GIGYF2: variants seen among roughly 807,000 people sequenced by gnomAD.
GIGYF2 encodes the protein GRB10-interacting GYF protein 2.
GIGYF2 carries 25 observed loss-of-function variants against 208.1 expected under a neutral mutation model. The observed-to-expected ratio is 0.12, with a 90% CI of 0.09 to 0.17. The LOEUF is 0.17. GIGYF2 is among the 10% of genes least tolerant of loss of function. The pLI is 1.00. For synonymous variants in GIGYF2, 534 were observed against 543.8 expected (o/e 0.98, Z 0.25); for missense variants, 1,302 against 1,579.4 (o/e 0.82, Z 2.98).
In GIGYF2 at chr2:232,729,508, G is replaced by T; in HGVS notation, c.-43-5647G>T. On this transcript the variant is annotated intron_variant, in intron 2 of 28. Coordinates refer to ENST00000373563, the MANE Select transcript of GIGYF2 (RefSeq NM_001103146.3). The stretch of plus-strand genomic sequence containing the variant: ...TCTCAAGCTTTTATTTAAATGCCAT[G>T]ACCCAGGATGGATTTTAGATTTTGT... 3.3e-6 allele frequency: 4 copies of T among 1,196,986 alleles called. No individual in the cohort carries two copies. In the South Asian group the frequency reaches 6.0e-5, roughly 18 times the overall value. 74.1% of individuals were successfully genotyped at this position (1,196,986 alleles called of 1,614,324 possible). A position where few individuals can be genotyped will look rare whatever the true frequency, so the allele number is the denominator to read the frequency against.
chr2:232,720,759 T>C (rs973370520), intron 2 of GIGYF2, among the ~76,000 whole-genome samples: 4 of 151,996 alleles, frequency 2.6e-5, no homozygotes, highest in Admixed American at 2.6e-4. Flanking sequence ...CATGCCTAGC[T>C]AATTTTTGTA....
chr2:232,844,290 C>T, intron 24 of GIGYF2, 35 bp downstream of exon 24: 1 of 1,610,778 alleles, frequency 6.2e-7, no homozygotes, highest in East Asian at 2.2e-5. Flanking sequence ...GTTGTATGGA[C>T]TAGTATTATC....
At chr2:232,743,232 G>C (rs1453805914) in intron 3 of GIGYF2, among the ~76,000 whole-genome samples, 1 of 152,142 alleles carries the variant, frequency 6.6e-6, no homozygotes, top group Non-Finnish European at 1.5e-5. Flanking sequence ...TGAAGTGACT[G>C]AGAAGCGAGG....
intron 12 of GIGYF2, among the ~76,000 whole-genome samples, chr2:232,793,525 G>T (rs1176364152): frequency 6.6e-6 from 1 of 152,132 alleles, no homozygotes; most frequent in Non-Finnish European, 1.5e-5. Context: ...GGAGCACACT[G>T]GGGAGAGGAG....
Position 232,809,817 on chromosome 2 carries a change from A to G in GIGYF2, c.1898+6A>G. 2 of 1,451,214 alleles carry G rather than the reference A, an allele frequency of 1.4e-6. No individual in the cohort carries two copies. Among genetic ancestry groups the G allele is most frequent in the Non-Finnish European group, 1.9e-6 (2 of 1,031,074 alleles). 89.9% of individuals were successfully genotyped at this position (1,451,214 alleles called of 1,614,324 possible). A position where few individuals can be genotyped will look rare whatever the true frequency, so the allele number is the denominator to read the frequency against. On this transcript the variant is annotated splice_donor_region_variant and intron_variant, in intron 16 of 28. Transcript: ENST00000373563. ...TACCAGCAGTTTTTAATACAGTAAG[A>G]AGAGTAATGCAGTAGGATGTACTGC...
rs778621880 is a variant in GIGYF2, at chr2:232,771,201, A to G, written c.532+9765A>G. On this transcript the variant is annotated intron_variant, in intron 8 of 28. Transcript: ENST00000373563. ...AAGCAGAAAAGACCAACATCATCCAACGCCAGCGCATGTCCATTAGGATTC... is the reference window on the plus strand; with the variant it reads ...AAGCAGAAAAGACCAACATCATCCAGCGCCAGCGCATGTCCATTAGGATTC... 5.0e-6 allele frequency: 8 copies of G among 1,613,234 alleles called. No homozygotes were observed. Among genetic ancestry groups the G allele is most frequent in the East Asian group, 2.2e-5 (1 of 44,872 alleles).
intron 14 of GIGYF2, among the ~76,000 whole-genome samples, chr2:232,805,078 G>A (rs1305109296): frequency 2.0e-5 from 3 of 151,856 alleles, no homozygotes; most frequent in African/African-American, 7.3e-5. Context: ...CACTCGAGCA[G>A]TATACACTGA....
intron 8 of GIGYF2, among the ~76,000 whole-genome samples, chr2:232,769,781 A>C (rs1699154939): frequency 6.6e-6 from 1 of 152,176 alleles, no homozygotes; most frequent in African/African-American, 2.4e-5. Flanking sequence ...TAAAAGTAAA[A>C]TATAAAAGAA....
In GIGYF2 at chr2:232,850,309, G is replaced by C. The variant is rs774677514; in HGVS notation, c.3732G>C (p.Gln1244His). The C allele has an allele frequency of 7.4e-6, 12 of 1,613,518 alleles. No homozygotes were observed. In the South Asian group the frequency reaches 1.1e-4, roughly 15 times the overall value. The change falls in exon 28 of 29, where the codon CAG becomes CAC. Residue 1244 changes from glutamine to histidine, a missense_variant. Gln to His is a conservative substitution (Grantham distance 24). Around this residue, in one of 8 missense-constraint regions of GIGYF2, gnomAD observed 701 missense variants for 793.0 expected, o/e 0.88. Coordinates refer to ENST00000373563, the MANE Select transcript of GIGYF2 (RefSeq NM_001103146.3). ...MNHSTLHSVF[Q>H]TNQSNNQQSN... The stretch of plus-strand genomic sequence containing the variant: ...ACAGTACACTCCATTCAGTATTTCA[G>C]ACCAATCAAAGCAACAACCAACAAT...
At chr2:232,737,861 T>C (rs527754347) in intron 3 of GIGYF2, among the ~76,000 whole-genome samples, 1 of 151,604 alleles carries the variant, frequency 6.6e-6, no homozygotes, top group East Asian at 1.9e-4. Flanking sequence ...TGGGAGAAAA[T>C]TGAAAATTTT....
At chr2:232,815,151 T>C (rs1351917387) in intron 18 of GIGYF2, among the ~76,000 whole-genome samples, 2 of 152,192 alleles carry the variant, frequency 1.3e-5, no homozygotes, top group African/African-American at 4.8e-5. Context: ...AAATTAACCA[T>C]TTTAAAGTGA....
chr2:232,729,847 A>G, intron 2 of GIGYF2: 1 of 737,310 alleles, frequency 1.4e-6, no homozygotes, highest in East Asian at 2.5e-5. Flanking sequence ...TTCTTCCCTT[A>G]GCCTCTTCGT....
intron 6 of GIGYF2, 36 bp downstream of exon 6, chr2:232,756,370 G>A: frequency 9.2e-7 from 1 of 1,084,384 alleles, no homozygotes; most frequent in Non-Finnish European, 1.4e-6. Context: ...TAATGGAGGA[G>A]GAGGAGGAGG....
chr2:232,716,152 C>T (rs1238336397), intron 2 of GIGYF2, among the ~76,000 whole-genome samples: 4 of 151,906 alleles, frequency 2.6e-5, no homozygotes, highest in Admixed American at 1.3e-4. Flanking sequence ...TACAAGATTG[C>T]TTCCAGTCTT....
At chr2:232,856,623 T>A (rs1389183966) in intron 28 of GIGYF2, among the ~76,000 whole-genome samples, 170 bp from the exon 29 acceptor site, 1 of 151,788 alleles carries the variant, frequency 6.6e-6, no homozygotes. Context: ...ACCCAGGAGG[T>A]GGAGCTTGCT....
Position 232,802,511 on chromosome 2 carries a change from T to A in GIGYF2, c.1640-3980T>A, listed in dbSNP as rs144567984. 5.8e-3 allele frequency among the ~76,000 whole-genome samples: 883 copies of A among 152,298 alleles called. 3 individuals are homozygous for A. Among genetic ancestry groups the A allele is most frequent in the African/African-American group, 0.02 (842 of 41,558 alleles). ...TGACCATGTGGTTTTTTTCCCCCCT[T>A]ATTAATATGGTATATTACATTGATC... On this transcript the variant is annotated intron_variant, in intron 14 of 28. Transcript: ENST00000373563.
intron 2 of GIGYF2, among the ~76,000 whole-genome samples, chr2:232,712,449 C>G (rs1337207180): frequency 6.6e-6 from 1 of 152,142 alleles, no homozygotes; most frequent in Non-Finnish European, 1.5e-5. Context: ...ATAAAAGTGG[C>G]TTTTCCCCCC....
chr2:232,753,075 G>A (rs1039117155), intron 5 of GIGYF2, among the ~76,000 whole-genome samples: 5 of 150,910 alleles, frequency 3.3e-5, no homozygotes, highest in Non-Finnish European at 3.0e-5. Flanking sequence ...AGCATGCTGT[G>A]CACACAGTTC....
intron 22 of GIGYF2, among the ~76,000 whole-genome samples, chr2:232,836,957 GA>G: frequency 6.6e-6 from 1 of 152,314 alleles, no homozygotes; most frequent in East Asian, 1.9e-4. Flanking sequence ...GTCAGCTCTG[GA>G]AGTGGGCACA....
Sources: gnomAD v4.1 joint callset for allele counts (sites outside exome capture counted in the v4.1 genomes callset) on GRCh38, gnomAD v4.1.1 for gene constraint, gnomAD v4.1.1 regional missense constraint, MANE v1.5 for transcripts, NCBI Gene and HGNC (gene_info 2026-07-23, HGNC 2026-07-21) for gene names.